C1orf141: variants seen among roughly 807,000 people sequenced by gnomAD.
The protein encoded by C1orf141 is uncharacterized protein C1orf141.
A neutral mutation model predicts 23.2 loss-of-function variants in C1orf141; 19 were observed. The observed-to-expected ratio is 0.82, with a 90% CI of 0.57 to 1.20. The LOEUF is 1.20. Ranked by LOEUF, C1orf141 falls within the 50% of genes most tolerant of loss-of-function variation. C1orf141 has a pLI of 0.00. For missense variants in C1orf141, 469 were observed against 455.1 expected (o/e 1.03, Z -0.28); for synonymous variants, 153 against 154.6 (o/e 0.99, Z 0.08).
intron 4 of C1orf141, chr1:67,122,564 A>C (rs1325079997): frequency 6.6e-6 from 1 of 152,196 alleles, no homozygotes; most frequent in Admixed American, 6.5e-5. Flanking sequence ...CACCTTTGAC[A>C]CAGCTTCAAA....
At chr1:67,110,496 C>A (rs1160755247) in intron 5 of C1orf141, among the ~76,000 whole-genome samples, 1 of 151,890 alleles carries the variant, frequency 6.6e-6, no homozygotes. Flanking sequence ...TGGAGTTAAT[C>A]TTATAAGGTA....
rs185080937 is a variant in C1orf141, at chr1:67,095,400, G to A, written c.438C>T (p.Asn146=). 2.5e-5 allele frequency: 38 copies of A among 1,542,626 alleles called. No homozygotes were observed. Among genetic ancestry groups the A allele is most frequent in the Admixed American group, 1.9e-4 (10 of 51,360 alleles). ...ATTTGTTTTCTTTTATATTAAAATC[G>A]TTCATCTGTGGAGATTTTTTTCTGA... ...RNKRKKSPQM[N]DFNIKENKSV... is the part of the protein sequence containing the mutation. The change falls in exon 7 of 8, where the codon AAC becomes AAT. Residue 146 remains asparagine (N), a synonymous_variant. Coordinates refer to ENST00000684719, the MANE Select transcript of C1orf141 (RefSeq NM_001276351.2).
chr1:67,132,627 C>A (rs1004326140), intron 1 of C1orf141, among the ~76,000 whole-genome samples: 7 of 152,124 alleles, frequency 4.6e-5, no homozygotes, highest in African/African-American at 1.7e-4. Flanking sequence ...CAGCCTCAGG[C>A]AAAGCGTTTT....
chr1:67,093,581 T>C lies in C1orf141; in HGVS notation c.627A>G (p.Ile209Met). 6.4e-7 allele frequency: 1 copy of C among 1,571,554 alleles called. No homozygotes were observed. The highest frequency in any genetic ancestry group is 8.6e-7 in the Non-Finnish European group (1 of 1,160,260). ...SHMEQKDTNPIIFHDTEYVRM... is the reference protein window; with the variant it reads ...SHMEQKDTNPMIFHDTEYVRM... Reference sequence around the variant, plus strand: ...GTACATATTCTGTGTCATGGAAAATTATGGGATTTGTGTCCTTTTGTTCCT... The same window carrying C: ...GTACATATTCTGTGTCATGGAAAATCATGGGATTTGTGTCCTTTTGTTCCT... Residue 209 changes from isoleucine (I) to methionine (M), a missense_variant, in exon 8 of 8, where the codon ATA becomes ATG. Physicochemically the swap from Ile to Met is conservative, Grantham distance 10. Around this residue, in one of 3 missense-constraint regions of C1orf141, gnomAD observed 370 missense variants for 348.1 expected, o/e 1.06. Coordinates refer to ENST00000684719, the MANE Select transcript of C1orf141 (RefSeq NM_001276351.2).
Position 67,093,301 on chromosome 1 carries a change from T to C in C1orf141, c.907A>G (p.Lys303Glu). 1.2e-6 allele frequency: 2 copies of C among 1,613,670 alleles called. No individual in the cohort carries two copies. Among genetic ancestry groups the C allele is most frequent in the South Asian group, 1.1e-5 (1 of 91,070 alleles). Residue 303 changes from lysine to glutamate, a missense_variant, in exon 8 of 8, where the codon AAG (lysine) becomes GAG (glutamate). Transcript: ENST00000684719. ...CAAGATCTGTTTTCTAGTGTCTGCT[T>C]ATTAGTTTTCTTCTTTAGTTTATCA... Reference protein sequence around the residue: ...VDDKLKKKTNKQTLENRSWNT... With the variant: ...VDDKLKKKTNEQTLENRSWNT...
Position 67,106,077 on chromosome 1 carries a change from CT to C in C1orf141, c.346+9274del, listed in dbSNP as rs538847447. ...AAGCAGACAGCTAAGGATAAAACAA[CT>C]GAATTAAAATTTGAGCTGCTGTTCA... On this transcript the variant is annotated intron_variant, in intron 5 of 7. Transcript: ENST00000684719. Among the ~76,000 whole-genome samples the C allele has an allele frequency of 2.3e-4, 35 of 152,288 alleles. No homozygotes were observed. The East Asian group carries it at 6.6e-3, about 29-fold the overall frequency.
upstream of C1orf141, among the ~76,000 whole-genome samples, chr1:67,137,356 T>C (rs980600875): frequency 5.9e-5 from 9 of 152,236 alleles, no homozygotes; most frequent in Non-Finnish European, 1.2e-4. Flanking sequence ...TATTGTCCTC[T>C]TCCTGTGGAG....
intron 4 of C1orf141, among the ~76,000 whole-genome samples, chr1:67,118,353 T>C (rs756792709): frequency 6.6e-6 from 1 of 152,176 alleles, no homozygotes; most frequent in African/African-American, 2.4e-5. Flanking sequence ...GCTGTGGCTT[T>C]TTCCTCTTTT....
At chr1:67,097,572 A>G (rs1415484175) in intron 5 of C1orf141, among the ~76,000 whole-genome samples, 1 of 152,222 alleles carries the variant, frequency 6.6e-6, no homozygotes, top group Non-Finnish European at 1.5e-5. Flanking sequence ...AGGGTCACAT[A>G]AGCCATGGTG....
intron 5 of C1orf141, among the ~76,000 whole-genome samples, chr1:67,107,487 T>C (rs959107645): frequency 6.6e-6 from 1 of 152,204 alleles, no homozygotes; most frequent in African/African-American, 2.4e-5. Flanking sequence ...ATATGCTGTA[T>C]ATAAAAAATG....
rs2102515202 is a variant in C1orf141 at position 67,134,933 on chromosome 1, A to G, written c.-107T>C. 6.6e-6 allele frequency: 1 copy of G among 152,288 alleles called. No individual in the cohort carries two copies. The highest frequency in any genetic ancestry group is 2.1e-4 in the South Asian group (1 of 4,798). 9.4% of individuals were successfully genotyped at this position (152,288 alleles called of 1,614,324 possible). ...CCTTCCGCACCCTGAAACAAACCTC[A>G]TCTCCTTTCCTCCCTCTTCTGGCTC... On this transcript the variant is annotated 5_prime_UTR_variant, in exon 1 of 8. An upstream start codon of the reference 5' UTR is lost. Coordinates refer to ENST00000684719, the MANE Select transcript of C1orf141 (RefSeq NM_001276351.2).
At chr1:67,140,264 T>TA (rs1329045958) in intron 1 of C1orf141, among the ~76,000 whole-genome samples, 3 of 152,210 alleles carry the variant, frequency 2.0e-5, no homozygotes, top group Non-Finnish European at 4.4e-5. Flanking sequence ...TCTGATTTCA[T>TA]AAATATTTAA....
chr1:67,101,087 G>A (rs999488113), intron 5 of C1orf141, among the ~76,000 whole-genome samples: 1 of 152,064 alleles, frequency 6.6e-6, no homozygotes, highest in Non-Finnish European at 1.5e-5. Context: ...AGGGCCTCAT[G>A]GCTCACAGGC....
intron 4 of C1orf141, chr1:67,121,971 A>T (rs991006385): frequency 2.0e-5 from 3 of 152,208 alleles, no homozygotes; most frequent in Non-Finnish European, 2.9e-5. Context: ...TCAAAATACT[A>T]AGTTGGACAG....
intron 5 of C1orf141, among the ~76,000 whole-genome samples, chr1:67,102,307 CGTGTGTGTGTGTGTGTGTGTGT>C: frequency 7.2e-6 from 1 of 139,684 alleles, no homozygotes; most frequent in Non-Finnish European, 1.6e-5. Context: ...TCTTCTGCTC[CGTGTGTGTGTGTGTGTGTGTGT>C]GTGTGTGTGT....
chr1:67,113,059 A>G (rs1200473316), intron 5 of C1orf141, among the ~76,000 whole-genome samples: 2 of 152,204 alleles, frequency 1.3e-5, no homozygotes, highest in Non-Finnish European at 2.9e-5. Context: ...AGTTCACTGC[A>G]GTCTCCACCT....
At chr1:67,114,277 T>C (rs1037120734) in intron 5 of C1orf141, among the ~76,000 whole-genome samples, 18 of 109,154 alleles carry the variant, frequency 1.6e-4, no homozygotes, top group South Asian at 8.2e-4. Context: ...TCCATATACC[T>C]GGCATAAACA....
At chr1:67,097,456 G>A (rs750360839) in intron 5 of C1orf141, among the ~76,000 whole-genome samples, 2 of 152,080 alleles carry the variant, frequency 1.3e-5, no homozygotes, top group South Asian at 4.1e-4. Flanking sequence ...TGTGAAGCCA[G>A]CATGGAATGC....
intron 5 of C1orf141, among the ~76,000 whole-genome samples, chr1:67,107,348 C>T (rs1280576022): frequency 6.6e-6 from 1 of 151,620 alleles, no homozygotes; most frequent in African/African-American, 2.4e-5. Context: ...AGCACAGGGG[C>T]AAACAAAAAA....
Sources: gnomAD v4.1 joint callset for allele counts (sites outside exome capture counted in the v4.1 genomes callset) on GRCh38, gnomAD v4.1.1 for gene constraint, gnomAD v4.1.1 regional missense constraint, MANE v1.5 for transcripts, NCBI Gene and HGNC (gene_info 2026-07-23, HGNC 2026-07-21) for gene names.